Variants in SLC37A2 observed in about 807,000 individuals in gnomAD.
SLC37A2 encodes glucose-6-phosphate exchanger SLC37A2.
In SLC37A2, 59 loss-of-function variants were observed where a neutral mutation model predicts 70.7. The ratio of observed to expected loss-of-function variants is 0.83; its 90% CI spans 0.68 to 1.04. SLC37A2 has a LOEUF of 1.04. Among genes scored for constraint, SLC37A2 ranks in the 50% least tolerant of loss-of-function variants. SLC37A2 has a pLI of 0.00. For synonymous variants in SLC37A2, 257 were observed against 262.1 expected (o/e 0.98, Z 0.19); for missense variants, 580 against 658.1 (o/e 0.88, Z 1.30).
In SLC37A2 at chr11:125,083,932, G is replaced by A; in HGVS notation, c.1039+55G>A. On this transcript the variant is annotated intron_variant, in intron 11 of 17. Coordinates refer to ENST00000403796, the MANE Select transcript of SLC37A2 (RefSeq NM_001145290.2). The surrounding 1 kb of genome is among the most constrained non-coding windows in gnomAD (Gnocchi z 4.6). ...CTCCCTTCCCCTCTTTTCTTGTGGG[G>A]TGCAGGAAGAAGGGACAGGTCCGAT... 6.4e-7 allele frequency: 1 copy of A among 1,568,230 alleles called. No individual in the cohort carries two copies. Among genetic ancestry groups the A allele is most frequent in the Non-Finnish European group, 8.8e-7 (1 of 1,138,840 alleles).
At chr11:125,072,992 C>G (rs1949045129) in intron 1 of SLC37A2, among the ~76,000 whole-genome samples, 1 of 152,184 alleles carries the variant, frequency 6.6e-6, no homozygotes, top group South Asian at 2.1e-4. Context: ...CACCCGCCAC[C>G]CTCAAGACTC....
chr11:125,080,693 G>A lies in SLC37A2; in HGVS notation c.607G>A (p.Val203Met). The A allele has an allele frequency of 6.3e-7, 1 of 1,584,838 alleles. No homozygotes were observed. Among genetic ancestry groups the A allele is most frequent in the Non-Finnish European group, 8.6e-7 (1 of 1,164,874 alleles). ...ILGSLIAGIW[V>M]NGQWGLSFIV... is the part of the protein sequence containing the mutation. ...GGGCTCCCTGATCGCCGGCATCTGGGTGAACGGGCAGTGGGGCCTGTCGTT... is the reference window on the plus strand; with the variant it reads ...GGGCTCCCTGATCGCCGGCATCTGGATGAACGGGCAGTGGGGCCTGTCGTT... The change falls in exon 7 of 18, where the codon GTG (valine) becomes ATG (methionine). Residue 203 changes from valine to methionine, a missense_variant. Physicochemically the swap from Val to Met is conservative, Grantham distance 21. Transcript: ENST00000403796. This position sits in a 1 kb window ranked among gnomAD's most constrained non-coding sequence, Gnocchi z 4.3.
chr11:125,086,756 C>T (rs1949221051), intron 17 of SLC37A2: 1 of 214,504 alleles, frequency 4.7e-6, no homozygotes, highest in Non-Finnish European at 9.4e-6. Context: ...TGAGGCTACA[C>T]AGTGCTGGTG....
intron 1 of SLC37A2, among the ~76,000 whole-genome samples, chr11:125,072,022 C>T (rs2135562441): frequency 6.6e-6 from 1 of 152,070 alleles, no homozygotes; most frequent in Middle Eastern, 3.4e-3. Context: ...GCCAGCCTAG[C>T]CTGGGACTGG....
At position 125,086,042 on chromosome 11, in the gene SLC37A2, C is replaced by T. The variant is rs758042340; in HGVS notation, c.1490+24C>T. ...GGGTGAGTCCGGGGAGCTGAAGCTGCCCCTCTACCAACCTCATTTCTCGTG... is the reference window on the plus strand; with the variant it reads ...GGGTGAGTCCGGGGAGCTGAAGCTGTCCCTCTACCAACCTCATTTCTCGTG... On this transcript the variant is annotated intron_variant, in intron 17 of 17. Transcript: ENST00000403796. The T allele has an allele frequency of 8.1e-6, 13 of 1,609,168 alleles. No homozygotes were observed. The East Asian group carries it at 8.9e-5, about 11-fold the overall frequency.
At chr11:125,078,544 G>C (rs1949113808) in intron 4 of SLC37A2, among the ~76,000 whole-genome samples, 1 of 152,172 alleles carries the variant, frequency 6.6e-6, no homozygotes, top group Admixed American at 6.5e-5. Context: ...TGTGAGGGGT[G>C]GGGAGGAAAG....
In SLC37A2 at chr11:125,063,417, G is replaced by C. The variant is rs778650450; in HGVS notation, c.50G>C (p.Arg17Thr). The change falls in exon 1 of 18, where the codon AGG becomes ACG. Residue 17 changes from arginine to threonine, a missense_variant. Transcript: ENST00000403796. This position sits in a 1 kb window ranked among gnomAD's most constrained non-coding sequence, Gnocchi z 5.4. ...GTCTGGTTCTTCCGGGCCTTCTCCAGGGACAGCTGGTGAGCGGGGCAGGGG... is the reference window on the plus strand; with the variant it reads ...GTCTGGTTCTTCCGGGCCTTCTCCACGGACAGCTGGTGAGCGGGGCAGGGG... The part of the protein sequence containing the change: ...PGVWFFRAFS[R>T]DSWFRGLILL... 4.4e-5 allele frequency: 71 copies of C among 1,611,538 alleles called. No homozygotes were observed. Among genetic ancestry groups the C allele is most frequent in the Non-Finnish European group, 5.9e-5 (70 of 1,179,158 alleles).
chr11:125,078,769 C>T (rs1421038193), intron 4 of SLC37A2, among the ~76,000 whole-genome samples: 1 of 147,934 alleles, frequency 6.8e-6, no homozygotes, highest in Admixed American at 6.6e-5. Flanking sequence ...CTCTGGGAGA[C>T]AGATCAGGCC....
rs531000167 is a variant in SLC37A2 at position 125,080,752 on chromosome 11, C to T, written c.666C>T (p.Gly222=). The T allele has an allele frequency of 2.6e-6, 4 of 1,521,942 alleles. No individual in the cohort carries two copies. The highest frequency in any genetic ancestry group is 1.4e-5 in the African/African-American group (1 of 70,876). 94.3% of individuals were successfully genotyped at this position (1,521,942 alleles called of 1,614,324 possible). ...CTGGCATCATTACTGCCGTCATGGGCGTCATCACCTTCCTCTTCCTCATCG... is the reference window on the plus strand; with the variant it reads ...CTGGCATCATTACTGCCGTCATGGGTGTCATCACCTTCCTCTTCCTCATCG... ...IVPGIITAVM[G]VITFLFLIEH... is the part of the protein sequence containing the mutation. The change falls in exon 7 of 18, where the codon GGC becomes GGT. Residue 222 remains glycine, a synonymous_variant. Coordinates refer to ENST00000403796, the MANE Select transcript of SLC37A2 (RefSeq NM_001145290.2). This position sits in a 1 kb window ranked among gnomAD's most constrained non-coding sequence, Gnocchi z 4.3.
At chr11:125,071,150 C>T (rs73024304) in intron 1 of SLC37A2, among the ~76,000 whole-genome samples, 5,420 of 152,074 alleles carry the variant, frequency 0.036, 137 homozygotes, top group Middle Eastern at 0.088. Flanking sequence ...GGTGGGGGGG[C>T]GGTGTCACTG....
chr11:125,070,193 TC>T (rs1949016868), intron 1 of SLC37A2, among the ~76,000 whole-genome samples: 2 of 152,124 alleles, frequency 1.3e-5, no homozygotes, highest in Non-Finnish European at 2.9e-5. Flanking sequence ...GTGCCATTTT[TC>T]CCACACCTCG....
chr11:125,082,099 CT>C, intron 9 of SLC37A2, 144 bp from the exon 10 acceptor site: 1 of 994,876 alleles, frequency 1.0e-6, no homozygotes, highest in Non-Finnish European at 1.5e-6. Flanking sequence ...GGTCATGTTG[CT>C]TTTATTGGGA....
In SLC37A2 at chr11:125,085,080, T is replaced by G. The variant is rs753648891; in HGVS notation, c.1189T>G (p.Cys397Gly). ...IASSIVMLII[C>G]GGLVNGPYAL... is the part of the protein sequence containing the mutation. ...TGCTGTCCCAGTGATGCTGATCATCTGTGGGGGCCTGGTCAATGGCCCATA... is the reference window on the plus strand; with the variant it reads ...TGCTGTCCCAGTGATGCTGATCATCGGTGGGGGCCTGGTCAATGGCCCATA... Residue 397 changes from cysteine (C) to glycine (G), a missense_variant, in exon 14 of 18, where the codon TGT (cysteine) becomes GGT (glycine). Coordinates refer to ENST00000403796, the MANE Select transcript of SLC37A2 (RefSeq NM_001145290.2). The G allele has an allele frequency of 3.8e-5, 62 of 1,613,982 alleles. No homozygotes were observed. The highest frequency in any genetic ancestry group is 1.6e-4 in the Middle Eastern group (1 of 6,080).
chr11:125,076,725 C>T (rs763665609), intron 1 of SLC37A2, 32 bp from the exon 2 acceptor site: 2 of 1,610,018 alleles, frequency 1.2e-6, no homozygotes, highest in Non-Finnish European at 8.5e-7. Context: ...GGGCTGACTT[C>T]CCACTAACGC....
At position 125,081,734 on chromosome 11, in the gene SLC37A2, G is replaced by A; in HGVS notation, c.733-20G>A. 6.4e-7 allele frequency: 1 copy of A among 1,556,886 alleles called. No homozygotes were observed. Among genetic ancestry groups the A allele is most frequent in the Non-Finnish European group, 8.7e-7 (1 of 1,149,666 alleles). ...CAGCACATGGACGCACCCACAGCAG[G>A]GCTCATCTCCTCTGCTCAGGGTGAG... On this transcript the variant is annotated intron_variant, in intron 8 of 17. Transcript: ENST00000403796.
chr11:125,080,736 T>A lies in SLC37A2; in HGVS notation c.650T>A (p.Ile217Asn). 2 of 1,550,646 alleles carry A rather than the reference T, an allele frequency of 1.3e-6. No individual in the cohort carries two copies. The highest frequency in any genetic ancestry group is 1.7e-6 in the Non-Finnish European group (2 of 1,146,944). The change falls in exon 7 of 18, where the codon ATT becomes AAT. Residue 217 changes from isoleucine (I) to asparagine (N), a missense_variant. Coordinates refer to ENST00000403796, the MANE Select transcript of SLC37A2 (RefSeq NM_001145290.2). This position sits in a 1 kb window ranked among gnomAD's most constrained non-coding sequence, Gnocchi z 4.3. ...CTGTCGTTCATCGTGCCTGGCATCA[T>A]TACTGCCGTCATGGGCGTCATCACC... ...WGLSFIVPGIITAVMGVITFL... is the reference protein window; with the variant it reads ...WGLSFIVPGINTAVMGVITFL...
chr11:125,086,232 T>C lies in SLC37A2; in HGVS notation c.1490+214T>C, dbSNP rs151133519. The stretch of plus-strand genomic sequence containing the variant: ...TAGTATGGTCCTAACCCACCAGTGA[T>C]AGTATTTTCCTCAAGTCCCATGACT... On this transcript the variant is annotated intron_variant, in intron 17 of 17. Coordinates refer to ENST00000403796, the MANE Select transcript of SLC37A2 (RefSeq NM_001145290.2). 14 of 1,612,982 alleles carry C rather than the reference T, an allele frequency of 8.7e-6. No individual in the cohort carries two copies. In the African/African-American group the frequency reaches 1.7e-4, roughly 20 times the overall value.
intron 1 of SLC37A2, among the ~76,000 whole-genome samples, chr11:125,075,673 T>C (rs780374699): frequency 1.3e-5 from 2 of 152,226 alleles, no homozygotes; most frequent in Non-Finnish European, 2.9e-5. Flanking sequence ...CAATTCAGCC[T>C]TCGCTGAAAT....
In SLC37A2 at chr11:125,083,882, G is replaced by A. The variant is rs1267472900; in HGVS notation, c.1039+5G>A. Reference sequence around the variant, plus strand: ...TCGATGTTGGTGGCATCATAGGTGAGGCCTTGCCCTGCTCTGCCAGCAGGC... The same window carrying A: ...TCGATGTTGGTGGCATCATAGGTGAAGCCTTGCCCTGCTCTGCCAGCAGGC... On this transcript the variant is annotated splice_donor_5th_base_variant and intron_variant, in intron 11 of 17. Coordinates refer to ENST00000403796, the MANE Select transcript of SLC37A2 (RefSeq NM_001145290.2). The surrounding 1 kb of genome is among the most constrained non-coding windows in gnomAD (Gnocchi z 4.6). The A allele has an allele frequency of 6.2e-7, 1 of 1,613,724 alleles. No individual in the cohort carries two copies. The highest frequency in any genetic ancestry group is 8.5e-7 in the Non-Finnish European group (1 of 1,179,602).
Sources: allele counts gnomAD v4.1 joint callset (sites outside exome capture counted in the v4.1 genomes callset), GRCh38; gene constraint gnomAD v4.1.1; non-coding constraint Gnocchi (gnomAD v3.1); transcripts MANE v1.5; gene names NCBI Gene and HGNC (gene_info 2026-07-23, HGNC 2026-07-21).